Variants in JMJD1C observed in about 807,000 individuals in gnomAD.
JMJD1C encodes the protein jumonji domain-containing protein 1C.
In JMJD1C, 31 loss-of-function variants were observed where a neutral mutation model predicts 245.3. The observed-to-expected ratio is 0.13, with a 90% CI of 0.09 to 0.17. The LOEUF (loss-of-function observed/expected upper bound fraction) is 0.17, where lower values mean the gene tolerates loss of function less well. Ranked by LOEUF, JMJD1C falls within the 10% of genes least tolerant of loss-of-function variation. The probability of loss-of-function intolerance (pLI) is 1.00; values close to 1 mark genes in which losing one functional copy is unlikely to be tolerated. For synonymous variants in JMJD1C, 1,057 were observed against 1,017.4 expected, an observed-to-expected ratio of 1.04 and a Z score of -0.74; for missense variants, 2,691 against 3,000.2, an observed-to-expected ratio of 0.90 and a Z score of 2.41.
chr10:63,221,762 C>T (rs1342700748), intron 3 of JMJD1C, among the ~76,000 whole-genome samples: 1 of 152,196 alleles, frequency 6.6e-6, no homozygotes, highest in East Asian at 1.9e-4. Flanking sequence ...GCTCTTGTTG[C>T]CCAGGCTGGA....
At chr10:63,373,230 T>C (rs531260952) in intron 2 of JMJD1C, among the ~76,000 whole-genome samples, 23 of 152,310 alleles carry the variant, frequency 1.5e-4, no homozygotes, top group African/African-American at 3.8e-4. Flanking sequence ...GGTACTCTGA[T>C]TGTACAGGAC....
chr10:63,484,195 T>C (rs1953911545), intron 1 of JMJD1C, among the ~76,000 whole-genome samples: 1 of 68,182 alleles, frequency 1.5e-5, no homozygotes, highest in South Asian at 5.9e-4. Context: ...TTGGGATGGA[T>C]GGATGGATGG....
In JMJD1C at chr10:63,207,129, C is replaced by T. The variant is rs762972926; in HGVS notation, c.4540G>A (p.Ala1514Thr). The T allele has an allele frequency of 6.2e-7, 1 of 1,614,164 alleles. No individual in the cohort carries two copies. Among genetic ancestry groups the T allele is most frequent in the Non-Finnish European group, 8.5e-7 (1 of 1,180,020 alleles). ...ACAGTGCTATCCAGAGGAAGGGAGG[C>T]TGAAAGTGTCTGATTTTTTATAGCA... ...PNAIKNQTLS[A>T]SLPLDSTVIC... is the part of the protein sequence containing the mutation. The change falls in exon 10 of 26, where the codon GCC becomes ACC. Residue 1514 changes from alanine to threonine, a missense_variant. Ala to Thr is a moderately conservative substitution (Grantham distance 58). Around this residue, in one of 9 missense-constraint regions of JMJD1C, gnomAD observed 1,562 missense variants for 1,490.7 expected, o/e 1.05. Transcript: ENST00000399262.
chr10:63,215,015 T>A lies in JMJD1C; in HGVS notation c.1152A>T (p.Ser384=), dbSNP rs777440094. 1.7e-5 allele frequency: 28 copies of A among 1,602,716 alleles called. No homozygotes were observed. The East Asian group carries it at 6.3e-4, about 36-fold the overall frequency. Residue 384 remains serine, a synonymous_variant, in exon 8 of 26, where the codon TCA becomes TCT. Coordinates refer to ENST00000399262, the MANE Select transcript of JMJD1C (RefSeq NM_032776.3). ...AGGAATTATCTATTATTCTCTTATTTGAATTTTCTGAGTCACTGCTCTCAG... is the reference window on the plus strand; with the variant it reads ...AGGAATTATCTATTATTCTCTTATTAGAATTTTCTGAGTCACTGCTCTCAG... ...DFSESSDSEN[S]NKRIIDNSSE...
intron 3 of JMJD1C, chr10:63,222,658 T>C: frequency 1.3e-6 from 2 of 1,538,512 alleles, no homozygotes; most frequent in Non-Finnish European, 1.8e-6. Flanking sequence ...GAGATCGGTG[T>C]GTAGAGGGAG....
At chr10:63,367,743 G>C (rs1564840195) in intron 2 of JMJD1C, among the ~76,000 whole-genome samples, 1 of 152,156 alleles carries the variant, frequency 6.6e-6, no homozygotes. Flanking sequence ...GTTTCCACGA[G>C]AGACCCATGC....
intron 2 of JMJD1C, among the ~76,000 whole-genome samples, chr10:63,268,317 A>G (rs1423838848): frequency 6.6e-6 from 1 of 151,936 alleles, no homozygotes; most frequent in African/African-American, 2.4e-5. Flanking sequence ...AAAACACGAT[A>G]CTGTTAGAAA....
intron 1 of JMJD1C, among the ~76,000 whole-genome samples, chr10:63,514,669 T>C (rs1327350732): frequency 6.6e-6 from 1 of 151,948 alleles, no homozygotes; most frequent in Non-Finnish European, 1.5e-5. Flanking sequence ...AACTGTGGGA[T>C]ACTAAGGTCA....
chr10:63,382,438 A>G (rs1186119897), intron 1 of JMJD1C, among the ~76,000 whole-genome samples: 1 of 152,162 alleles, frequency 6.6e-6, no homozygotes, highest in Non-Finnish European at 1.5e-5. Context: ...CATTAACAGA[A>G]TAAAGGAAAA....
rs1855283225 is a variant in JMJD1C at position 63,264,500 on chromosome 10, T to C, written c.447+151A>G. 9.4e-6 allele frequency: 5 copies of C among 531,454 alleles called. No individual in the cohort carries two copies. The South Asian group carries it at 1.3e-4, about 14-fold the overall frequency. 32.9% of individuals were successfully genotyped at this position (531,454 alleles called of 1,614,324 possible). A position where few individuals can be genotyped will look rare whatever the true frequency, so the allele number is the denominator to read the frequency against. On this transcript the variant is annotated intron_variant, in intron 3 of 25. Transcript: ENST00000399262. ...TTGAATTAATAAATCGTTTATCCTA[T>C]AAGCAAAATCAACTGACTGCATTCA...
At chr10:63,393,148 G>A (rs1948214469) in intron 1 of JMJD1C, among the ~76,000 whole-genome samples, 1 of 152,050 alleles carries the variant, frequency 6.6e-6, no homozygotes, top group Non-Finnish European at 1.5e-5. Flanking sequence ...GACAACTGTA[G>A]TCCCAGCTAA....
In JMJD1C at chr10:63,208,464, C is replaced by T; in HGVS notation, c.3205G>A (p.Asp1069Asn). Reference sequence around the variant, plus strand: ...AGATCTGATACTGAGCGTTCTACATCCATATCTTGTTTGATGATATGGCTT... The same window carrying T: ...AGATCTGATACTGAGCGTTCTACATTCATATCTTGTTTGATGATATGGCTT... ...PKSHIIKQDM[D>N]VERSVSDLYK... is the part of the protein sequence containing the mutation. The change falls in exon 10 of 26, where the codon GAT becomes AAT. Residue 1069 changes from aspartate (D) to asparagine (N), a missense_variant. Physicochemically the swap from Asp to Asn is conservative, Grantham distance 23. Around this residue, in one of 9 missense-constraint regions of JMJD1C, gnomAD observed 1,562 missense variants for 1,490.7 expected, o/e 1.05. Transcript: ENST00000399262. The T allele has an allele frequency of 1.2e-6, 2 of 1,613,894 alleles. No individual in the cohort carries two copies. Among genetic ancestry groups the T allele is most frequent in the Non-Finnish European group, 1.7e-6 (2 of 1,179,950 alleles).
At chr10:63,340,507 G>A (rs541005365) in intron 2 of JMJD1C, among the ~76,000 whole-genome samples, 14 of 152,246 alleles carry the variant, frequency 9.2e-5, no homozygotes, top group Middle Eastern at 3.4e-3. Context: ...TACGGGTAAC[G>A]GTTATTAAAA....
intron 1 of JMJD1C, among the ~76,000 whole-genome samples, chr10:63,518,529 A>T (rs144180224): frequency 6.6e-6 from 1 of 152,344 alleles, no homozygotes; most frequent in East Asian, 1.9e-4. Context: ...CAATTTTCCA[A>T]AACTGTAAAC....
At chr10:63,320,095 G>T (rs1007555588) in intron 2 of JMJD1C, among the ~76,000 whole-genome samples, 1 of 151,566 alleles carries the variant, frequency 6.6e-6, no homozygotes, top group African/African-American at 2.4e-5. Context: ...TAGTAGAGAT[G>T]GTGTTTCACC....
chr10:63,280,697 T>G (rs980701118), intron 2 of JMJD1C, among the ~76,000 whole-genome samples: 3 of 152,176 alleles, frequency 2.0e-5, no homozygotes, highest in African/African-American at 7.2e-5. Flanking sequence ...TACTTAGTGT[T>G]TAAGAGCAAA....
At chr10:63,493,870 T>C (rs1273958694) in intron 1 of JMJD1C, among the ~76,000 whole-genome samples, 2 of 152,190 alleles carry the variant, frequency 1.3e-5, no homozygotes, top group Admixed American at 6.5e-5. Context: ...GAATGTTTTC[T>C]TTCCAATCCA....
At chr10:63,223,316 C>A (rs935233815) in intron 3 of JMJD1C, among the ~76,000 whole-genome samples, 1 of 150,970 alleles carries the variant, frequency 6.6e-6, no homozygotes, top group African/African-American at 2.4e-5. Flanking sequence ...GAATCTTCGC[C>A]TCCCAAGTTC....
intron 2 of JMJD1C, among the ~76,000 whole-genome samples, chr10:63,279,108 G>A (rs757521149): frequency 5.3e-5 from 8 of 151,492 alleles, no homozygotes; most frequent in African/African-American, 1.7e-4. Context: ...AAAATTCTCC[G>A]GTGTGTTGGC....
Sources: allele counts gnomAD v4.1 joint callset (sites outside exome capture counted in the v4.1 genomes callset), GRCh38; gene constraint gnomAD v4.1.1; regional missense constraint gnomAD v4.1.1; transcripts MANE v1.5; gene names NCBI Gene and HGNC (gene_info 2026-07-23, HGNC 2026-07-21).